Variants in NSUN7 observed in about 807,000 individuals in gnomAD.
The protein encoded by NSUN7 is protein NSUN7.
NSUN7 carries 39 observed loss-of-function variants against 58.5 expected under a neutral mutation model. That is an observed-to-expected ratio of 0.67 (90% CI 0.52 to 0.87). The LOEUF is 0.87. Ranked by LOEUF, NSUN7 falls within the 40% of genes least tolerant of loss-of-function variation. The pLI, the probability that NSUN7 is intolerant of heterozygous loss-of-function variation, is 0.00. For missense variants in NSUN7, 765 were observed against 844.1 expected (o/e 0.91, Z 1.16); for synonymous variants, 278 against 303.7 (o/e 0.92, Z 0.88).
chr4:40,780,747 A>T (rs931778846), intron 7 of NSUN7, among the ~76,000 whole-genome samples: 1 of 147,654 alleles, frequency 6.8e-6, no homozygotes, highest in African/African-American at 2.5e-5. Context: ...TTATGTAAAC[A>T]TTGAAATACA....
intron 7 of NSUN7, among the ~76,000 whole-genome samples, chr4:40,776,897 C>T (rs1433715254): frequency 1.3e-5 from 2 of 152,188 alleles, no homozygotes; most frequent in Admixed American, 6.5e-5. Context: ...ATTACAGAGG[C>T]GTGAGCTACC....
chr4:40,768,091 A>C (rs764901925), intron 4 of NSUN7, among the ~76,000 whole-genome samples: 2 of 152,192 alleles, frequency 1.3e-5, no homozygotes, highest in Non-Finnish European at 2.9e-5. Flanking sequence ...AGCCAACTCT[A>C]TCTGCCTTCT....
chr4:40,796,096 G>A (rs1037389158), intron 9 of NSUN7, among the ~76,000 whole-genome samples: 5 of 152,156 alleles, frequency 3.3e-5, no homozygotes, highest in African/African-American at 7.2e-5. Context: ...AGCCAGGCGT[G>A]GTGGCTCATG....
Position 40,752,975 on chromosome 4 carries a change from A to G in NSUN7, c.298+1984A>G, listed in dbSNP as rs536440992. 3.9e-5 allele frequency among the ~76,000 whole-genome samples: 6 copies of G among 152,276 alleles called. No homozygotes were observed. In the South Asian group the frequency reaches 1.2e-3, roughly 32 times the overall value. On this transcript the variant is annotated intron_variant, in intron 2 of 11. Coordinates refer to ENST00000381782, the MANE Select transcript of NSUN7 (RefSeq NM_024677.6). ...CTAACCAAAGTGTTGTATTTCATGCAATGAATCAAATGAACATTTTTATAC... is the reference window on the plus strand; with the variant it reads ...CTAACCAAAGTGTTGTATTTCATGCGATGAATCAAATGAACATTTTTATAC...
chr4:40,771,788 CTG>C (rs1742024941), intron 4 of NSUN7, among the ~76,000 whole-genome samples: 1 of 149,602 alleles, frequency 6.7e-6, no homozygotes, highest in African/African-American at 2.4e-5. Context: ...GAAGCTCTGA[CTG>C]TGTGTGTAAC....
At chr4:40,766,730 T>C (rs1741749337) in intron 4 of NSUN7, among the ~76,000 whole-genome samples, 1 of 152,130 alleles carries the variant, frequency 6.6e-6, no homozygotes, top group Admixed American at 6.6e-5. Context: ...TTTTGGTTGG[T>C]AAGCTATTGA....
chr4:40,785,975 C>T, intron 7 of NSUN7: 1 of 1,248,784 alleles, frequency 8.0e-7, no homozygotes, highest in Non-Finnish European at 1.1e-6. Context: ...GGCGCCTCCC[C>T]AGCGGCTGGG....
At chr4:40,801,857 G>A (rs1021351228) in intron 10 of NSUN7, among the ~76,000 whole-genome samples, 3 of 142,084 alleles carry the variant, frequency 2.1e-5, no homozygotes, top group Non-Finnish European at 3.0e-5. Flanking sequence ...AGCCGAGATC[G>A]CATCACTGCA....
At chr4:40,776,762 C>G (rs780653480) in intron 7 of NSUN7, among the ~76,000 whole-genome samples, 1 of 152,086 alleles carries the variant, frequency 6.6e-6, no homozygotes, top group Non-Finnish European at 1.5e-5. Context: ...ACTACAGGCT[C>G]ATGCCACTAT....
rs141947658 is a variant in NSUN7 at position 40,770,679 on chromosome 4, A to T, written c.489-3586A>T. Reference sequence around the variant, plus strand: ...ACTACATAAATATTTCTGAAAATTTAAAAAATGTAAATGTATATTACAAAA... The same window carrying T: ...ACTACATAAATATTTCTGAAAATTTTAAAAATGTAAATGTATATTACAAAA... On this transcript the variant is annotated intron_variant, in intron 4 of 11. Coordinates refer to ENST00000381782, the MANE Select transcript of NSUN7 (RefSeq NM_024677.6). Among the ~76,000 whole-genome samples, 835 of 152,364 alleles carry T rather than the reference A, an allele frequency of 5.5e-3. 8 individuals carry two copies. Among genetic ancestry groups the T allele is most frequent in the African/African-American group, 0.019 (788 of 41,584 alleles).
At chr4:40,776,336 AGTTTTTTT>A (rs1327957129) in intron 7 of NSUN7, 77 bp downstream of exon 7, 4 of 1,022,102 alleles carry the variant, frequency 3.9e-6, no homozygotes, top group Non-Finnish European at 5.7e-6. Context: ...TTAATTTATT[AGTTTTTTT>A]GTAATGTAAA....
rs1411670013 is a variant in NSUN7, at chr4:40,809,305, CAA to C, written c.*368_*369del. The C allele has an allele frequency of 5.7e-6, 1 of 175,338 alleles. No homozygotes were observed. The highest frequency in any genetic ancestry group is 1.2e-5 in the Non-Finnish European group (1 of 83,844). 10.9% of individuals were successfully genotyped at this position (175,338 alleles called of 1,614,324 possible). On this transcript the variant is annotated 3_prime_UTR_variant, in exon 12 of 12. Coordinates refer to ENST00000381782, the MANE Select transcript of NSUN7 (RefSeq NM_024677.6). Reference sequence around the variant, plus strand: ...TTCAGCAGGTAGCTCATTAGAAAGCCAAACAGGCAAACGATCCTGGCCTCTCC... The same window carrying C: ...TTCAGCAGGTAGCTCATTAGAAAGCCACAGGCAAACGATCCTGGCCTCTCC...
intron 8 of NSUN7, among the ~76,000 whole-genome samples, chr4:40,793,959 AT>A (rs1388948622): frequency 6.6e-6 from 1 of 152,156 alleles, no homozygotes; most frequent in African/African-American, 2.4e-5. Context: ...GAAAGTTAGT[AT>A]TTTAAACCAT....
At chr4:40,784,136 A>G (rs1476176097) in intron 7 of NSUN7, among the ~76,000 whole-genome samples, 1 of 152,230 alleles carries the variant, frequency 6.6e-6, no homozygotes, top group Non-Finnish European at 1.5e-5. Context: ...AAAACAGGAA[A>G]ATAACATGTA....
At chr4:40,778,958 C>T (rs1742396604) in intron 7 of NSUN7, among the ~76,000 whole-genome samples, 2 of 152,126 alleles carry the variant, frequency 1.3e-5, no homozygotes, top group South Asian at 4.1e-4. Flanking sequence ...TAAAGATATT[C>T]TCAGACAAAT....
In NSUN7 at chr4:40,760,983, C is replaced by G. The variant is rs570338444; in HGVS notation, c.358-188C>G. 1.7e-3 allele frequency among the ~76,000 whole-genome samples: 257 copies of G among 150,810 alleles called. 3 individuals are homozygous for G. Among genetic ancestry groups the G allele is most frequent in the African/African-American group, 6.2e-3 (255 of 41,184 alleles). On this transcript the variant is annotated intron_variant, in intron 3 of 11. Coordinates refer to ENST00000381782, the MANE Select transcript of NSUN7 (RefSeq NM_024677.6). ...TTTTGGTGAACATACCAAAAACTGTCTCTTTTGAAAGGGTTTTTTTTTTCT... is the reference window on the plus strand; with the variant it reads ...TTTTGGTGAACATACCAAAAACTGTGTCTTTTGAAAGGGTTTTTTTTTTCT...
intron 2 of NSUN7, among the ~76,000 whole-genome samples, chr4:40,760,228 G>A (rs189833304): frequency 7.8e-4 from 119 of 152,072 alleles, no homozygotes; most frequent in Admixed American, 5.2e-3. Context: ...GATTCCATGC[G>A]GACCCTAGGT....
At chr4:40,793,598 T>C (rs1045671936) in intron 8 of NSUN7, among the ~76,000 whole-genome samples, 4 of 152,226 alleles carry the variant, frequency 2.6e-5, no homozygotes, top group African/African-American at 7.2e-5. Flanking sequence ...TTGGCTGTCA[T>C]GCTCTAGTGA....
chr4:40,780,794 T>TAC (rs1159120226), intron 7 of NSUN7, among the ~76,000 whole-genome samples: 1,841 of 88,406 alleles, frequency 0.021, 55 homozygotes, highest in African/African-American at 0.024. Context: ...CACATACACA[T>TAC]ATATATATAT....
Sources: gnomAD v4.1 joint callset for allele counts (sites outside exome capture counted in the v4.1 genomes callset) on GRCh38, gnomAD v4.1.1 for gene constraint, MANE v1.5 for transcripts, NCBI Gene and HGNC (gene_info 2026-07-23, HGNC 2026-07-21) for gene names.